PRKCH: variants seen among roughly 807,000 people sequenced by gnomAD.
PRKCH encodes the protein protein kinase C eta type.
In PRKCH, 28 loss-of-function variants were observed where a neutral mutation model predicts 82.5. That is an observed-to-expected ratio of 0.34 (90% CI 0.25 to 0.47). The LOEUF is 0.47. Ranked by LOEUF, PRKCH falls within the 20% of genes least tolerant of loss-of-function variation. The pLI is 1.00. For missense variants in PRKCH, 705 were observed against 881.8 expected (o/e 0.80, Z 2.54); for synonymous variants, 322 against 327.4 (o/e 0.98, Z 0.18).
At chr14:61,433,938 A>G (rs1482063159) in intron 2 of PRKCH, among the ~76,000 whole-genome samples, 2 of 152,240 alleles carry the variant, frequency 1.3e-5, no homozygotes, top group Non-Finnish European at 2.9e-5. Flanking sequence ...TGTACCACTT[A>G]CATTTTCCAT....
chr14:61,524,083 C>G (rs1409368887), intron 10 of PRKCH, among the ~76,000 whole-genome samples: 2 of 152,202 alleles, frequency 1.3e-5, no homozygotes, highest in Non-Finnish European at 2.9e-5. Flanking sequence ...TAGATTCATT[C>G]TTGTTCAAGG....
chr14:61,430,551 A>G (rs978649883), intron 2 of PRKCH, among the ~76,000 whole-genome samples: 2 of 152,300 alleles, frequency 1.3e-5, no homozygotes, highest in Non-Finnish European at 2.9e-5. Flanking sequence ...AATAGGGACT[A>G]TATCTGACCT....
intron 2 of PRKCH, among the ~76,000 whole-genome samples, chr14:61,433,712 G>A (rs953902097): frequency 6.6e-6 from 1 of 152,186 alleles, no homozygotes; most frequent in Non-Finnish European, 1.5e-5. Flanking sequence ...TTTAGTATTA[G>A]TGGCTACAAG....
rs774536128 is a variant in PRKCH at position 61,449,170 on chromosome 14, C to G, written c.620C>G (p.Thr207Ser). ...GCTGGATTTAATTTCCTAGTGTGCACCTGTGTCGTCCATAAACGCTGCCAT... is the reference window on the plus strand; with the variant it reads ...GCTGGATTTAATTTCCTAGTGTGCAGCTGTGTCGTCCATAAACGCTGCCAT... The part of the protein sequence containing the change: ...GKQGYQCQVC[T>S]CVVHKRCHHL... Residue 207 changes from threonine to serine, a missense_variant, in exon 5 of 14, where the codon ACC becomes AGC. By Grantham distance (58) the Thr-to-Ser change is moderately conservative. Around this residue, in one of 5 missense-constraint regions of PRKCH, gnomAD observed 246 missense variants for 308.0 expected, o/e 0.80. Coordinates refer to ENST00000332981, the MANE Select transcript of PRKCH (RefSeq NM_006255.5). The G allele has an allele frequency of 6.2e-6, 10 of 1,613,556 alleles. No individual in the cohort carries two copies. The highest frequency in any genetic ancestry group is 8.5e-6 in the Non-Finnish European group (10 of 1,179,638).
intron 1 of PRKCH, among the ~76,000 whole-genome samples, chr14:61,205,457 G>A (rs1288168494): frequency 1.3e-5 from 2 of 152,200 alleles, no homozygotes; most frequent in Non-Finnish European, 2.9e-5. Context: ...AACCTTGGAA[G>A]CCCCATTACC....
At chr14:61,507,214 A>C (rs1887187209) in intron 10 of PRKCH, among the ~76,000 whole-genome samples, 1 of 152,202 alleles carries the variant, frequency 6.6e-6, no homozygotes, top group African/African-American at 2.4e-5. Flanking sequence ...ACCATCTGGG[A>C]AATGCAAATG....
chr14:61,239,993 C>A (rs915529514), intron 1 of PRKCH, among the ~76,000 whole-genome samples: 1 of 152,148 alleles, frequency 6.6e-6, no homozygotes, highest in African/African-American at 2.4e-5. Flanking sequence ...TTTCTTTATG[C>A]ATCCAGCAAA....
At chr14:61,412,607 C>CT (rs1024081838) in intron 2 of PRKCH, among the ~76,000 whole-genome samples, 15 of 152,298 alleles carry the variant, frequency 9.8e-5, no homozygotes, top group African/African-American at 3.1e-4. Flanking sequence ...AATGCCTGAC[C>CT]TGAGCAATCA....
At chr14:61,350,733 A>G (rs1482672484) in intron 1 of PRKCH, among the ~76,000 whole-genome samples, 1 of 152,108 alleles carries the variant, frequency 6.6e-6, no homozygotes, top group African/African-American at 2.4e-5. Context: ...GTGCATGTAG[A>G]TGTTTACTGT....
At chr14:61,392,899 C>G (rs762497855) in intron 2 of PRKCH, among the ~76,000 whole-genome samples, 1 of 150,418 alleles carries the variant, frequency 6.6e-6, no homozygotes, top group Non-Finnish European at 1.5e-5. Flanking sequence ...GTCTGTATGC[C>G]TTCTTAAATT....
intron 1 of PRKCH, chr14:61,277,520 C>T (rs541568091): frequency 3.2e-4 from 49 of 152,296 alleles, no homozygotes; most frequent in African/African-American, 1.2e-3. Context: ...CCAACAAGAA[C>T]CTGGAAGCCT....
At chr14:61,439,019 T>G (rs576126529) in intron 2 of PRKCH, among the ~76,000 whole-genome samples, 1 of 152,312 alleles carries the variant, frequency 6.6e-6, no homozygotes, top group African/African-American at 2.4e-5. Flanking sequence ...GCCAGCTTCC[T>G]ATTTATTTAG....
chr14:61,550,074 A>T lies in PRKCH; in HGVS notation c.*243A>T, dbSNP rs952467878. 1.5e-5 allele frequency: 6 copies of T among 400,440 alleles called. No individual in the cohort carries two copies. Among genetic ancestry groups the T allele is most frequent in the African/African-American group, 1.2e-4 (6 of 50,210 alleles). The allele number at this position is 400,440 out of a possible 1,614,324, so 24.8% of individuals were successfully genotyped here. ...TTTTATGAAGTATACCGCTCCACCT[A>T]TGAGCGTCTGTCTCTGTGGGCTTGG... On this transcript the variant is annotated 3_prime_UTR_variant, in exon 14 of 14. Coordinates refer to ENST00000332981, the MANE Select transcript of PRKCH (RefSeq NM_006255.5).
At chr14:61,228,856 C>T (rs1245363664) in intron 1 of PRKCH, among the ~76,000 whole-genome samples, 2 of 151,824 alleles carry the variant, frequency 1.3e-5, no homozygotes, top group Non-Finnish European at 2.9e-5. Context: ...GCCGGGGCAA[C>T]ATAGTGAGAT....
intron 10 of PRKCH, among the ~76,000 whole-genome samples, chr14:61,492,830 C>T (rs752719187): frequency 1.2e-4 from 18 of 152,152 alleles, no homozygotes; most frequent in Non-Finnish European, 2.4e-4. Context: ...TGGGAGCAGA[C>T]AGAATGGCCA....
chr14:61,217,144 C>A (rs1290715598), intron 1 of PRKCH, among the ~76,000 whole-genome samples: 1 of 152,192 alleles, frequency 6.6e-6, no homozygotes, highest in African/African-American at 2.4e-5. Context: ...AATCCCAACA[C>A]TTTGGGAGAT....
intron 4 of PRKCH, among the ~76,000 whole-genome samples, chr14:61,446,119 C>T (rs1884208477): frequency 1.3e-5 from 2 of 151,368 alleles, no homozygotes; most frequent in Admixed American, 6.6e-5. Flanking sequence ...CTCTTTTTCC[C>T]CGTCCAGGGA....
intron 1 of PRKCH, among the ~76,000 whole-genome samples, chr14:61,273,997 A>G (rs898334421): frequency 6.6e-6 from 1 of 152,250 alleles, no homozygotes; most frequent in East Asian, 1.9e-4. Context: ...TAGGACTAGC[A>G]GCCTGAATAT....
In PRKCH at chr14:61,485,506, G is replaced by C; in HGVS notation, c.1283G>C (p.Arg428Pro). 6.2e-7 allele frequency: 1 copy of C among 1,613,766 alleles called. No individual in the cohort carries two copies. Among genetic ancestry groups the C allele is most frequent in the Non-Finnish European group, 8.5e-7 (1 of 1,179,862 alleles). ...QLFCCFQTPDRLFFVMEFVNG... is the reference protein window; with the variant it reads ...QLFCCFQTPDPLFFVMEFVNG... ...CTCTCTTGTGTTTGTATCCAGGATC[G>C]TCTGTTTTTTGTGATGGAGTTTGTG... Residue 428 changes from arginine to proline, a missense_variant, in exon 10 of 14, where the codon CGT becomes CCT. Transcript: ENST00000332981.
Sources: allele counts gnomAD v4.1 joint callset (sites outside exome capture counted in the v4.1 genomes callset), GRCh38; gene constraint gnomAD v4.1.1; regional missense constraint gnomAD v4.1.1; transcripts MANE v1.5; gene names NCBI Gene and HGNC (gene_info 2026-07-23, HGNC 2026-07-21).